The following NRG1 variants were observed in gnomAD, a reference collection of about 807,000 sequenced individuals.
NRG1 encodes pro-neuregulin-1, membrane-bound isoform.
NRG1 carries 18 observed loss-of-function variants against 63.8 expected under a neutral mutation model. That is an observed-to-expected ratio of 0.28 (90% CI 0.19 to 0.42). The LOEUF (loss-of-function observed/expected upper bound fraction) is 0.42. Ranked by LOEUF, NRG1 falls within the 10% of genes least tolerant of loss-of-function variation. The pLI is 1.00. For missense variants in NRG1, 762 were observed against 814.7 expected, an observed-to-expected ratio of 0.94 and a Z score of 0.79; for synonymous variants, 302 against 301.3, an observed-to-expected ratio of 1.00 and a Z score of -0.02.
At chr8:31,781,922 G>GGA (rs1242439882) in intron 1 of NRG1, among the ~76,000 whole-genome samples, 1 of 152,078 alleles carries the variant, frequency 6.6e-6, no homozygotes, top group Non-Finnish European at 1.5e-5. Context: ...TTTCTCTAGA[G>GGA]GAGACTTTCT....
At chr8:32,233,695 G>A (rs1272768307) in intron 1 of NRG1, among the ~76,000 whole-genome samples, 5 of 151,482 alleles carry the variant, frequency 3.3e-5, no homozygotes, top group Non-Finnish European at 7.4e-5. Flanking sequence ...CTCCTGAGTA[G>A]CTGGGACTAC....
intron 1 of NRG1, among the ~76,000 whole-genome samples, chr8:31,887,477 C>T (rs1830811188): frequency 6.6e-6 from 1 of 151,958 alleles, no homozygotes; most frequent in East Asian, 1.9e-4. Context: ...AATTATTGAA[C>T]TCTTAGATTA....
At chr8:32,544,054 CT>C (rs1832822849), upstream of NRG1, among the ~76,000 whole-genome samples, 1 of 152,058 alleles carries the variant, frequency 6.6e-6, no homozygotes, top group Non-Finnish European at 1.5e-5. Context: ...GTGTGTATTC[CT>C]TTTGATTGCT....
intron 1 of NRG1, among the ~76,000 whole-genome samples, chr8:32,581,637 T>C (rs2129531796): frequency 6.6e-6 from 1 of 152,308 alleles, no homozygotes; most frequent in South Asian, 2.1e-4. Flanking sequence ...ATAATGGTTT[T>C]ATAGAAACAT....
At chr8:32,193,335 TCTC>T (rs1842673159) in intron 1 of NRG1, among the ~76,000 whole-genome samples, 2 of 150,040 alleles carry the variant, frequency 1.3e-5, no homozygotes, top group Admixed American at 6.7e-5. Flanking sequence ...TGTGTGTAAT[TCTC>T]CTCAGTGTCA....
intron 1 of NRG1, among the ~76,000 whole-genome samples, chr8:32,385,703 C>G (rs796509764): frequency 2.8e-4 from 42 of 152,156 alleles, no homozygotes; most frequent in African/African-American, 8.7e-4. Flanking sequence ...GAGAAACCAC[C>G]CCTATGATCC....
downstream of NRG1, among the ~76,000 whole-genome samples, chr8:32,768,928 G>A (rs751350422): frequency 1.7e-4 from 26 of 152,110 alleles, no homozygotes; most frequent in Non-Finnish European, 2.9e-4. Context: ...CACTCTGGAT[G>A]TCCAGGAAAT....
At chr8:32,772,024 A>G (rs1452848030), downstream of NRG1, among the ~76,000 whole-genome samples, 10 of 11,804 alleles carry the variant, frequency 8.5e-4, no homozygotes, top group South Asian at 7.8e-3. Context: ...ACTCCGTCTC[A>G]AAAAAAAAAA....
chr8:32,630,596 T>G (rs570921272), intron 5 of NRG1, among the ~76,000 whole-genome samples: 5 of 152,334 alleles, frequency 3.3e-5, no homozygotes, highest in South Asian at 2.1e-4. Flanking sequence ...TCAGATCAGT[T>G]TTGAGAAGCA....
At chr8:31,837,536 C>T (rs1825789129) in intron 1 of NRG1, among the ~76,000 whole-genome samples, 1 of 151,952 alleles carries the variant, frequency 6.6e-6, no homozygotes, top group Non-Finnish European at 1.5e-5. Context: ...TCTCTTCTGG[C>T]TGCTTGTTGG....
chr8:32,518,887 A>C (rs1830081681), intron 1 of NRG1, among the ~76,000 whole-genome samples: 1 of 152,220 alleles, frequency 6.6e-6, no homozygotes, highest in South Asian at 2.1e-4. Context: ...TAATGGAGAG[A>C]TTTAATTTCA....
At chr8:32,667,873 G>A (rs1276320601) in intron 5 of NRG1, among the ~76,000 whole-genome samples, 1 of 151,956 alleles carries the variant, frequency 6.6e-6, no homozygotes, top group Non-Finnish European at 1.5e-5. Context: ...CATAGATAAC[G>A]ATGATGGCAA....
At chr8:32,186,068 T>A (rs977660942) in intron 1 of NRG1, among the ~76,000 whole-genome samples, 1 of 152,238 alleles carries the variant, frequency 6.6e-6, no homozygotes, top group African/African-American at 2.4e-5. Flanking sequence ...GCTATGCTGT[T>A]ACCAAAAGCT....
intron 1 of NRG1, among the ~76,000 whole-genome samples, chr8:32,250,431 C>T (rs1351162837): frequency 6.6e-6 from 1 of 152,116 alleles, no homozygotes; most frequent in Admixed American, 6.6e-5. Context: ...AAAATGCATT[C>T]ATTATTACCT....
chr8:32,362,030 C>A (rs1807282961), intron 1 of NRG1, among the ~76,000 whole-genome samples: 1 of 152,140 alleles, frequency 6.6e-6, no homozygotes, highest in Non-Finnish European at 1.5e-5. Flanking sequence ...GGGATAACTA[C>A]CCCAGTGACA....
intron 1 of NRG1, among the ~76,000 whole-genome samples, chr8:32,384,998 C>T (rs1563390535): frequency 6.6e-6 from 1 of 152,138 alleles, no homozygotes; most frequent in Admixed American, 6.5e-5. Context: ...CATTTTGGTG[C>T]CTGTCTATAG....
At chr8:31,861,985 G>A (rs529943852) in intron 1 of NRG1, among the ~76,000 whole-genome samples, 219 of 152,244 alleles carry the variant, frequency 1.4e-3, no homozygotes, top group African/African-American at 4.7e-3. Flanking sequence ...TTGGCATTTC[G>A]CAAGCTGAGT....
chr8:32,756,434 C>G lies in NRG1; in HGVS notation c.826C>G (p.Arg276Gly), dbSNP rs367543163. The change falls in exon 9 of 12, where the codon CGG (arginine) becomes GGG (glycine). Residue 276 changes from arginine (R) to glycine (G), a missense_variant. Arg to Gly is a moderately radical substitution (Grantham distance 125). This residue lies in a region of NRG1 where 503 missense variants were observed against 506.8 expected (regional missense o/e 0.99). Coordinates refer to ENST00000356819, the Ensembl canonical transcript of NRG1. ...GCGGAAAAAGCTGCATGACCGTCTT[C>G]GGCAGAGCCTTCGGTCTGAACGAAA... is the stretch of plus-strand genomic sequence containing the variant. 3.1e-6 allele frequency: 5 copies of G among 1,613,614 alleles called. No homozygotes were observed. Among genetic ancestry groups the G allele is most frequent in the Non-Finnish European group, 4.2e-6 (5 of 1,179,788 alleles).
At chr8:31,712,519 C>T (rs747419742) in intron 1 of NRG1, among the ~76,000 whole-genome samples, 11 of 152,086 alleles carry the variant, frequency 7.2e-5, no homozygotes, top group Non-Finnish European at 1.6e-4. Flanking sequence ...CCACCTGCCT[C>T]GGCCTCCCAA....
Sources: gnomAD v4.1 joint callset for allele counts (sites outside exome capture counted in the v4.1 genomes callset) on GRCh38, gnomAD v4.1.1 for gene constraint, gnomAD v4.1.1 regional missense constraint, MANE v1.5 for transcripts, NCBI Gene and HGNC (gene_info 2026-07-23, HGNC 2026-07-21) for gene names.